IPCEF1: variants seen among roughly 807,000 people sequenced by gnomAD.
IPCEF1 encodes the protein interactor protein for cytohesin exchange factors 1.
A neutral mutation model predicts 50.9 loss-of-function variants in IPCEF1; 31 were observed. The ratio of observed to expected loss-of-function variants is 0.61; its 90% confidence interval spans 0.46 to 0.82. The LOEUF (loss-of-function observed/expected upper bound fraction) is 0.82, where lower values mean the gene tolerates loss of function less well. IPCEF1 is among the 40% of genes least tolerant of loss of function. The pLI, the probability that IPCEF1 is intolerant of heterozygous loss-of-function variation, is 0.00. For synonymous variants in IPCEF1, 181 were observed against 192.0 expected (o/e 0.94, Z 0.47); for missense variants, 458 against 514.0 (o/e 0.89, Z 1.05).
At chr6:154,259,657 TAAATAAATAAATAAAATAAA>T (rs1415681098) in intron 3 of IPCEF1, among the ~76,000 whole-genome samples, 1 of 151,572 alleles carries the variant, frequency 6.6e-6, no homozygotes, top group African/African-American at 2.4e-5. Flanking sequence ...TGTCTAAAAA[TAAATAAATAAATAAAATAAA>T]AAATAAATAA....
intron 5 of IPCEF1, among the ~76,000 whole-genome samples, chr6:154,234,114 A>G (rs1418064986): frequency 1.3e-5 from 2 of 152,226 alleles, no homozygotes; most frequent in African/African-American, 4.8e-5. Context: ...AAGCTGAGGC[A>G]GGAAGATTGC....
At chr6:154,273,170 T>C (rs1468959739) in intron 2 of IPCEF1, among the ~76,000 whole-genome samples, 2 of 152,222 alleles carry the variant, frequency 1.3e-5, no homozygotes, top group Non-Finnish European at 2.9e-5. Flanking sequence ...ATTTATCCTT[T>C]AAAATTATAA....
intron 10 of IPCEF1, among the ~76,000 whole-genome samples, chr6:154,186,646 TC>T (rs1801385255): frequency 1.3e-5 from 2 of 151,894 alleles, no homozygotes; most frequent in Non-Finnish European, 2.9e-5. Flanking sequence ...AAGCTCCGCC[TC>T]CCGGGTTCGC....
chr6:154,247,368 AT>A, intron 4 of IPCEF1, 80 bp downstream of exon 4: 1 of 1,113,528 alleles, frequency 9.0e-7, no homozygotes. Context: ...CAGAAATCTG[AT>A]CCCAAGGAAG....
At chr6:154,190,004 A>G (rs1476114518) in intron 10 of IPCEF1, among the ~76,000 whole-genome samples, 1 of 152,180 alleles carries the variant, frequency 6.6e-6, no homozygotes, top group Non-Finnish European at 1.5e-5. Flanking sequence ...TATGTCAATT[A>G]TAGGTAAGAA....
intron 11 of IPCEF1, among the ~76,000 whole-genome samples, chr6:154,166,155 G>T (rs1799405405): frequency 6.6e-6 from 1 of 152,206 alleles, no homozygotes; most frequent in Admixed American, 6.5e-5. Flanking sequence ...CTAAGCTTTG[G>T]GATAATTTGT....
At chr6:154,291,316 T>C (rs1782507797) in intron 1 of IPCEF1, among the ~76,000 whole-genome samples, 1 of 152,204 alleles carries the variant, frequency 6.6e-6, no homozygotes, top group African/African-American at 2.4e-5. Context: ...AAAATAAAAT[T>C]GTAGGAAAAC....
chr6:154,172,143 T>C (rs1799924253), intron 10 of IPCEF1, among the ~76,000 whole-genome samples: 1 of 152,240 alleles, frequency 6.6e-6, no homozygotes, highest in South Asian at 2.1e-4. Context: ...TTTGTAATTA[T>C]GTCACAGTAA....
rs538535392 is a variant in IPCEF1 at position 154,270,061 on chromosome 6, C to T, written c.-17-4097G>A. 2.6e-5 allele frequency among the ~76,000 whole-genome samples: 4 copies of T among 152,126 alleles called. No individual in the cohort carries two copies. The South Asian group carries it at 8.3e-4, about 32-fold the overall frequency. ...TCCTTTCTGAGAATATCAGTTTAAGCAAAGTGCCTATACATAAGAATTGAA... is the reference window on the plus strand; with the variant it reads ...TCCTTTCTGAGAATATCAGTTTAAGTAAAGTGCCTATACATAAGAATTGAA... On this transcript the variant is annotated intron_variant, in intron 2 of 11. Coordinates refer to ENST00000367220, the MANE Select transcript of IPCEF1 (RefSeq NM_001130700.2).
At chr6:154,333,571 C>T (rs578259691) in intron 1 of IPCEF1, among the ~76,000 whole-genome samples, 62 of 145,814 alleles carry the variant, frequency 4.3e-4, no homozygotes, top group African/African-American at 1.4e-3. Flanking sequence ...TATATATATA[C>T]ACACACACAC....
At position 154,223,163 on chromosome 6, in the gene IPCEF1, A is replaced by G. The variant is rs1381927692; in HGVS notation, c.320+7T>C. On this transcript the variant is annotated splice_region_variant and intron_variant, in intron 6 of 11. Coordinates refer to ENST00000367220, the MANE Select transcript of IPCEF1 (RefSeq NM_001130700.2). Reference sequence around the variant, plus strand: ...CAGAGTTTTGTGGAAGATGAGAGACAACTTACTGCTTTTTCTTGCATTCAG... The same window carrying G: ...CAGAGTTTTGTGGAAGATGAGAGACGACTTACTGCTTTTTCTTGCATTCAG... The G allele has an allele frequency of 1.9e-6, 3 of 1,610,368 alleles. No homozygotes were observed. The highest frequency in any genetic ancestry group is 2.5e-6 in the Non-Finnish European group (3 of 1,176,954).
intron 2 of IPCEF1, among the ~76,000 whole-genome samples, chr6:154,272,171 A>G (rs1781915888): frequency 6.6e-6 from 1 of 152,250 alleles, no homozygotes; most frequent in Non-Finnish European, 1.5e-5. Flanking sequence ...TAAACGAGAT[A>G]TCATATGGGA....
At chr6:154,340,826 G>A (rs1428156367) in intron 1 of IPCEF1, among the ~76,000 whole-genome samples, 1 of 150,292 alleles carries the variant, frequency 6.7e-6, no homozygotes, top group South Asian at 2.1e-4. Flanking sequence ...CAGAGGTTGC[G>A]GTGAGCAAAG....
chr6:154,346,070 A>G (rs548625509), intron 1 of IPCEF1, among the ~76,000 whole-genome samples: 3 of 152,218 alleles, frequency 2.0e-5, no homozygotes, highest in African/African-American at 2.4e-5. Flanking sequence ...GGGTTTCACC[A>G]TGTTTCCCAG....
At chr6:154,167,833 G>C in intron 11 of IPCEF1, 87 bp downstream of exon 11, 1 of 983,762 alleles carries the variant, frequency 1.0e-6, no homozygotes, top group Non-Finnish European at 1.5e-6. Flanking sequence ...ACACAAACAT[G>C]CTGTGATTAG....
intron 10 of IPCEF1, among the ~76,000 whole-genome samples, chr6:154,180,092 C>G (rs1800702691): frequency 6.6e-6 from 1 of 152,134 alleles, no homozygotes; most frequent in African/African-American, 2.4e-5. Context: ...CATAAAGCAG[C>G]ACTCTGTATT....
chr6:154,172,192 C>A (rs1470717660), intron 10 of IPCEF1, among the ~76,000 whole-genome samples: 2 of 152,302 alleles, frequency 1.3e-5, no homozygotes, highest in Non-Finnish European at 2.9e-5. Context: ...CAAATAGGAA[C>A]AGCTCCAGTC....
intron 5 of IPCEF1, among the ~76,000 whole-genome samples, chr6:154,245,379 G>A (rs989221113): frequency 6.6e-6 from 1 of 152,124 alleles, no homozygotes; most frequent in African/African-American, 2.4e-5. Flanking sequence ...TGGGGGCAGA[G>A]CAGCAGAGAG....
chr6:154,343,072 C>A (rs184999356), intron 1 of IPCEF1, among the ~76,000 whole-genome samples: 7 of 152,262 alleles, frequency 4.6e-5, no homozygotes, highest in African/African-American at 1.4e-4. Context: ...GCTGAGATAC[C>A]ACCACTGCAC....
Sources: allele counts gnomAD v4.1 joint callset (sites outside exome capture counted in the v4.1 genomes callset), GRCh38; gene constraint gnomAD v4.1.1; transcripts MANE v1.5; gene names NCBI Gene and HGNC (gene_info 2026-07-23, HGNC 2026-07-21).